The following BICC1 variants were observed in gnomAD, a reference collection of about 807,000 sequenced individuals.
The protein encoded by BICC1 is protein bicaudal C homolog 1.
In BICC1, 43 loss-of-function variants were observed where a neutral mutation model predicts 111.0. The observed-to-expected ratio is 0.39, with a 90% CI of 0.30 to 0.50. The LOEUF is 0.50. Ranked by LOEUF, BICC1 falls within the 20% of genes least tolerant of loss-of-function variation. BICC1 has a pLI of 0.88. For synonymous variants in BICC1, 467 were observed against 434.4 expected (o/e 1.07, Z -0.93); for missense variants, 1,091 against 1,203.2 (o/e 0.91, Z 1.38).
upstream of BICC1, among the ~76,000 whole-genome samples, chr10:58,512,609 T>C (rs11817440): frequency 0.51 from 77,664 of 151,940 alleles, 20,325 homozygotes; most frequent in African/African-American, 0.61. Flanking sequence ...ATTACGTGGA[T>C]ACTCCATGTG....
chr10:58,798,190 G>A (rs1168970788), intron 10 of BICC1, among the ~76,000 whole-genome samples: 2 of 152,260 alleles, frequency 1.3e-5, no homozygotes, highest in South Asian at 2.1e-4. Context: ...TTTTCTGATA[G>A]CAACTCTTTG....
Position 58,785,005 on chromosome 10 carries a change from C to T in BICC1, c.312C>T (p.Pro104=). The change falls in exon 4 of 21, where the codon CCC becomes CCT. Residue 104 remains proline, a synonymous_variant. Coordinates refer to ENST00000373886, the MANE Select transcript of BICC1 (RefSeq NM_001080512.3). ...CCTTTTATTTCTTTCTTATAGATCCCCATATTAAGGTTTCTGGAAAGAAAG... is the reference window on the plus strand; with the variant it reads ...CCTTTTATTTCTTTCTTATAGATCCTCATATTAAGGTTTCTGGAAAGAAAG... ...LKIGAKSKKD[P]HIKVSGKKED... 2 of 1,559,928 alleles carry T rather than the reference C, an allele frequency of 1.3e-6. No homozygotes were observed. The highest frequency in any genetic ancestry group is 8.8e-7 in the Non-Finnish European group (1 of 1,140,478).
chr10:58,660,166 C>T (rs1588985248), intron 2 of BICC1, among the ~76,000 whole-genome samples: 1 of 152,166 alleles, frequency 6.6e-6, no homozygotes, highest in East Asian at 1.9e-4. Context: ...TCACCAGGTG[C>T]TGAGCAGCTA....
At chr10:58,603,599 T>C (rs1277993895) in intron 1 of BICC1, among the ~76,000 whole-genome samples, 3 of 152,186 alleles carry the variant, frequency 2.0e-5, no homozygotes, top group Admixed American at 6.5e-5. Flanking sequence ...TGAAAAAATA[T>C]ACATTTTGTG....
chr10:58,718,286 G>A (rs1212404970), intron 3 of BICC1, among the ~76,000 whole-genome samples: 2 of 152,104 alleles, frequency 1.3e-5, no homozygotes, highest in African/African-American at 2.4e-5. Flanking sequence ...GTCTTCACAT[G>A]GTAGAAGGGG....
intron 1 of BICC1, among the ~76,000 whole-genome samples, chr10:58,523,547 C>T (rs1438001159): frequency 5.3e-5 from 8 of 152,070 alleles, no homozygotes; most frequent in Admixed American, 1.3e-4. Context: ...ATTGATGGGA[C>T]GTATCTCAAA....
chr10:58,826,676 A>G (rs1355969078), intron 20 of BICC1, among the ~76,000 whole-genome samples: 1 of 146,468 alleles, frequency 6.8e-6, no homozygotes, highest in African/African-American at 2.5e-5. Context: ...GGAGAATGAC[A>G]TGAACCCGGG....
intron 1 of BICC1, among the ~76,000 whole-genome samples, chr10:58,583,179 T>C (rs1032818560): frequency 3.3e-5 from 5 of 152,212 alleles, no homozygotes; most frequent in Non-Finnish European, 5.9e-5. Flanking sequence ...TTTCTAGATA[T>C]AATCTATCAT....
chr10:58,775,185 C>T (rs1165098977), intron 3 of BICC1, among the ~76,000 whole-genome samples: 2 of 152,012 alleles, frequency 1.3e-5, no homozygotes, highest in African/African-American at 4.8e-5. Flanking sequence ...CCAGCCTGGC[C>T]AACATGGAGA....
chr10:58,775,363 G>T (rs1842721521), intron 3 of BICC1, among the ~76,000 whole-genome samples: 1 of 150,498 alleles, frequency 6.6e-6, no homozygotes, highest in Non-Finnish European at 1.5e-5. Flanking sequence ...GACAGAGCGA[G>T]ACTCTGTCTC....
intron 3 of BICC1, among the ~76,000 whole-genome samples, chr10:58,784,746 A>G (rs1842964978): frequency 6.6e-6 from 1 of 152,144 alleles, no homozygotes; most frequent in Non-Finnish European, 1.5e-5. Flanking sequence ...TTATTTTGTA[A>G]AAAGAAATGT....
intron 1 of BICC1, among the ~76,000 whole-genome samples, chr10:58,524,367 A>G (rs1842473893): frequency 6.6e-6 from 1 of 152,146 alleles, no homozygotes; most frequent in South Asian, 2.1e-4. Context: ...GATCAATGGA[A>G]CAGAACAGAG....
chr10:58,516,615 T>C (rs1208454362), intron 1 of BICC1, among the ~76,000 whole-genome samples: 1 of 152,158 alleles, frequency 6.6e-6, no homozygotes, highest in Non-Finnish European at 1.5e-5. Context: ...TAAATGGAAA[T>C]TTATTTTCAA....
At chr10:58,542,150 C>CAAAAAAA (rs149049552) in intron 1 of BICC1, among the ~76,000 whole-genome samples, 3 of 82,344 alleles carry the variant, frequency 3.6e-5, no homozygotes, top group African/African-American at 1.5e-4. Context: ...GACCCTGTCT[C>CAAAAAAA]AAAAAAAAAA....
rs140364920 is a variant in BICC1 at position 58,683,154 on chromosome 10, T to G, written c.238-18920T>G. 9.4e-3 allele frequency among the ~76,000 whole-genome samples: 1,438 copies of G among 152,226 alleles called. 25 individuals are homozygous for G. The highest frequency in any genetic ancestry group is 0.032 in the African/African-American group (1,341 of 41,546). On this transcript the variant is annotated intron_variant, in intron 2 of 20. Transcript: ENST00000373886. ...TTAAATAGGGAATCCTTTCCCCATT[T>G]CTTGTATTTGTCAGCTTTGTCAAAG...
intron 1 of BICC1, among the ~76,000 whole-genome samples, chr10:58,550,349 A>G (rs1315845265): frequency 6.6e-6 from 1 of 152,114 alleles, no homozygotes; most frequent in African/African-American, 2.4e-5. Flanking sequence ...CTTCTTTATC[A>G]GACATGTTTT....
intron 10 of BICC1, among the ~76,000 whole-genome samples, 153 bp from the exon 11 acceptor site, chr10:58,798,244 CAT>C (rs1307274006): frequency 4.6e-5 from 7 of 152,088 alleles, no homozygotes; most frequent in African/African-American, 1.4e-4. Context: ...ATGCAAAACT[CAT>C]GTGAGTATTT....
intron 3 of BICC1, among the ~76,000 whole-genome samples, chr10:58,730,337 G>A (rs563478899): frequency 2.6e-5 from 4 of 152,292 alleles, no homozygotes; most frequent in Admixed American, 1.3e-4. Context: ...AGCTCCCAAG[G>A]TCTTGGGGAG....
rs564066608 is a variant in BICC1, at chr10:58,651,102, A to G, written c.237+30201A>G. Among the ~76,000 whole-genome samples, 3 of 152,256 alleles carry G rather than the reference A, an allele frequency of 2.0e-5. No homozygotes were observed. In the South Asian group the frequency reaches 6.2e-4, roughly 32 times the overall value. ...CCTGAGCACTTTCCAGGCTAAAATG[A>G]TTGCTACCACGCTCTAAGCTTTGTG... is the stretch of plus-strand genomic sequence containing the variant. On this transcript the variant is annotated intron_variant, in intron 2 of 20. Coordinates refer to ENST00000373886, the MANE Select transcript of BICC1 (RefSeq NM_001080512.3).
Sources: gnomAD v4.1 joint callset for allele counts (sites outside exome capture counted in the v4.1 genomes callset) on GRCh38, gnomAD v4.1.1 for gene constraint, MANE v1.5 for transcripts, NCBI Gene and HGNC (gene_info 2026-07-23, HGNC 2026-07-21) for gene names.